The following FREM1 variants were observed in gnomAD, a reference collection of about 807,000 sequenced individuals.
FREM1 encodes the protein FRAS1-related extracellular matrix protein 1.
In FREM1, 220 loss-of-function variants were observed where a neutral mutation model predicts 210.1. That is an observed-to-expected ratio of 1.05 (90% CI 0.94 to 1.17). The LOEUF (loss-of-function observed/expected upper bound fraction) is 1.17, where lower values mean the gene tolerates loss of function less well. FREM1 is among the 50% of genes most tolerant of loss of function. The probability of loss-of-function intolerance (pLI) is 0.00; values close to 1 mark genes in which losing one functional copy is unlikely to be tolerated. For synonymous variants in FREM1, 1,189 were observed against 980.2 expected (o/e 1.21, Z -3.98); for missense variants, 3,454 against 2,675.5 (o/e 1.29, Z -6.42).
intron 13 of FREM1, among the ~76,000 whole-genome samples, chr9:14,821,820 C>T (rs201651589): frequency 6.6e-6 from 1 of 152,126 alleles, no homozygotes; most frequent in Non-Finnish European, 1.5e-5. Flanking sequence ...TTAGATCTGC[C>T]AGAGTTTCAA....
intron 10 of FREM1, among the ~76,000 whole-genome samples, chr9:14,832,517 A>G (rs1823756251): frequency 6.6e-6 from 1 of 152,354 alleles, no homozygotes; most frequent in Non-Finnish European, 1.5e-5. Flanking sequence ...GAAGAGAGGC[A>G]ATACCTCTTA....
At chr9:14,833,331 T>C (rs981873424) in intron 10 of FREM1, among the ~76,000 whole-genome samples, 1 of 152,212 alleles carries the variant, frequency 6.6e-6, no homozygotes, top group Non-Finnish European at 1.5e-5. Context: ...GAAGTATATC[T>C]TGGGAAGCGG....
rs141938348 is a variant in FREM1 at position 14,778,935 on chromosome 9, T to C, written c.4443-2732A>G. On this transcript the variant is annotated intron_variant, in intron 24 of 36. Coordinates refer to ENST00000380880, the MANE Select transcript of FREM1 (RefSeq NM_001379081.2). ...AAGGAACCTAGAAAAATATGTCTGT[T>C]CTTCAAACTTTTTACTTAGTCACCT... is the stretch of plus-strand genomic sequence containing the variant. Among the ~76,000 whole-genome samples, 180 of 152,256 alleles carry C rather than the reference T, an allele frequency of 1.2e-3. 7 individuals carry two copies. In the East Asian group the frequency reaches 0.031, roughly 26 times the overall value.
intron 5 of FREM1, among the ~76,000 whole-genome samples, chr9:14,854,948 G>A (rs1040734081): frequency 3.3e-5 from 5 of 152,048 alleles, no homozygotes; most frequent in Non-Finnish European, 7.4e-5. Context: ...ATTTCTGGAT[G>A]AAAAGACTTA....
At chr9:14,820,277 T>C (rs773382176) in intron 13 of FREM1, among the ~76,000 whole-genome samples, 17 of 152,178 alleles carry the variant, frequency 1.1e-4, no homozygotes, top group Non-Finnish European at 2.5e-4. Context: ...GTTTAACCTA[T>C]CATTACCCCC....
intron 1 of FREM1, among the ~76,000 whole-genome samples, chr9:14,897,614 G>A (rs1294457522): frequency 1.3e-5 from 2 of 150,052 alleles, no homozygotes; most frequent in East Asian, 1.9e-4. Flanking sequence ...TTTAAGAGAC[G>A]GAGTCTTGCT....
rs538321468 is a variant in FREM1 at position 14,882,659 on chromosome 9, T to A, written c.-267-13415A>T. On this transcript the variant is annotated intron_variant, in intron 1 of 36. Coordinates refer to ENST00000380880, the MANE Select transcript of FREM1 (RefSeq NM_001379081.2). ...TTTTAGTAGAGATGGGGTTTCACCA[T>A]GTTGGCCAGGCTGGTCTCAAACTCC... Among the ~76,000 whole-genome samples the A allele has an allele frequency of 4.6e-4, 69 of 151,560 alleles. 1 individual carries two copies. The highest frequency in any genetic ancestry group is 1.5e-3 in the African/African-American group (61 of 41,396).
intron 18 of FREM1, among the ~76,000 whole-genome samples, chr9:14,805,648 T>G (rs996212904): frequency 6.6e-6 from 1 of 152,228 alleles, no homozygotes; most frequent in Non-Finnish European, 1.5e-5. Flanking sequence ...GACATGGGCT[T>G]AAATCCAAAG....
intron 10 of FREM1, among the ~76,000 whole-genome samples, chr9:14,833,351 T>C (rs1451169333): frequency 1.3e-5 from 2 of 152,170 alleles, no homozygotes; most frequent in South Asian, 2.1e-4. Flanking sequence ...GCTGTTATCA[T>C]CTTTGTTTTA....
At chr9:14,813,734 T>C (rs1244192449) in intron 15 of FREM1, among the ~76,000 whole-genome samples, 2 of 150,908 alleles carry the variant, frequency 1.3e-5, no homozygotes, top group Admixed American at 6.6e-5. Flanking sequence ...AAAAAGATCG[T>C]GTAGAAATCT....
intron 3 of FREM1, among the ~76,000 whole-genome samples, chr9:14,862,113 T>G (rs1313272242): frequency 6.6e-6 from 1 of 152,248 alleles, no homozygotes; most frequent in Non-Finnish European, 1.5e-5. Context: ...CCGCTTCATT[T>G]TCTCAACACA....
At chr9:14,901,116 G>A (rs563524409) in intron 1 of FREM1, among the ~76,000 whole-genome samples, 2 of 152,246 alleles carry the variant, frequency 1.3e-5, no homozygotes, top group African/African-American at 4.8e-5. Flanking sequence ...TTATTCATAA[G>A]GCTAAAGTTT....
At chr9:14,867,715 A>T (rs558951502) in intron 2 of FREM1, among the ~76,000 whole-genome samples, 1 of 152,328 alleles carries the variant, frequency 6.6e-6, no homozygotes, top group East Asian at 1.9e-4. Flanking sequence ...TGAAAAGGAA[A>T]TAAAGTTCAT....
chr9:14,874,988 T>G (rs1042736355), intron 1 of FREM1, among the ~76,000 whole-genome samples: 3 of 152,202 alleles, frequency 2.0e-5, no homozygotes, highest in African/African-American at 4.8e-5. Context: ...GAATCTTGAA[T>G]ATTGGCCCCC....
chr9:14,852,461 G>C (rs925458958), intron 5 of FREM1, among the ~76,000 whole-genome samples: 1 of 152,186 alleles, frequency 6.6e-6, no homozygotes, highest in Non-Finnish European at 1.5e-5. Context: ...GCCGAGGTGG[G>C]AGGATTGCTT....
At chr9:14,888,565 C>T (rs937120693) in intron 1 of FREM1, among the ~76,000 whole-genome samples, 1 of 152,190 alleles carries the variant, frequency 6.6e-6, no homozygotes, top group African/African-American at 2.4e-5. Context: ...TGTCTACCAG[C>T]ATCTTCATGT....
intron 1 of FREM1, among the ~76,000 whole-genome samples, chr9:14,888,732 CAATGTTTTCT>C (rs1349218391): frequency 6.6e-6 from 1 of 152,176 alleles, no homozygotes. Flanking sequence ...CTCTTCTCTA[CAATGTTTTCT>C]AATCCATAAC....
chr9:14,775,835 A>G lies in FREM1; in HGVS notation c.4811T>C (p.Ile1604Thr). The change falls in exon 25 of 37, where the codon ATT (isoleucine) becomes ACT (threonine). Residue 1604 changes from isoleucine (I) to threonine (T), a missense_variant. Ile to Thr is a moderately conservative substitution (Grantham distance 89). Coordinates refer to ENST00000380880, the MANE Select transcript of FREM1 (RefSeq NM_001379081.2). ...TTCTTCCCACACTCTCCCATTCACA[A>G]TAAAGCCTTGGTTTGTCCCATCTGT... is the stretch of plus-strand genomic sequence containing the variant. ...MATDGTNQGF[I>T]VNGRVWEEPV... 1 of 1,613,846 alleles carries G rather than the reference A, an allele frequency of 6.2e-7. No individual in the cohort carries two copies. The highest frequency in any genetic ancestry group is 8.5e-7 in the Non-Finnish European group (1 of 1,179,772).
At position 14,836,242 on chromosome 9, in the gene FREM1, C is replaced by G. The variant is rs151172553; in HGVS notation, c.1881+5205G>C. Among the ~76,000 whole-genome samples, 1 of 152,194 alleles carries G rather than the reference C, an allele frequency of 6.6e-6. No homozygotes were observed. The highest frequency in any genetic ancestry group is 6.5e-5 in the Admixed American group (1 of 15,276). ...CTACTATTTGCAATAGGGTTATACACGGTAGCACCTTCAAACTAAAATATT... is the reference window on the plus strand; with the variant it reads ...CTACTATTTGCAATAGGGTTATACAGGGTAGCACCTTCAAACTAAAATATT... On this transcript the variant is annotated intron_variant, in intron 10 of 36. Coordinates refer to ENST00000380880, the MANE Select transcript of FREM1 (RefSeq NM_001379081.2). The surrounding 1 kb of genome is among the most constrained non-coding windows in gnomAD (Gnocchi z 4.9).
Sources: allele counts gnomAD v4.1 joint callset (sites outside exome capture counted in the v4.1 genomes callset), GRCh38; gene constraint gnomAD v4.1.1; non-coding constraint Gnocchi (gnomAD v3.1); transcripts MANE v1.5; gene names NCBI Gene and HGNC (gene_info 2026-07-23, HGNC 2026-07-21).